The following TENM3 variants were observed in gnomAD, a reference collection of about 807,000 sequenced individuals.
TENM3 encodes the protein teneurin-3.
TENM3 carries 63 observed loss-of-function variants against 255.1 expected under a neutral mutation model. The ratio of observed to expected loss-of-function variants is 0.25; its 90% CI spans 0.20 to 0.30. The LOEUF (loss-of-function observed/expected upper bound fraction) is 0.30, where lower values mean the gene tolerates loss of function less well. Ranked by LOEUF, TENM3 falls within the 10% of genes least tolerant of loss-of-function variation. The pLI is 1.00. For missense variants in TENM3, 2,929 were observed against 3,461.1 expected, an observed-to-expected ratio of 0.85 and a Z score of 3.86; for synonymous variants, 1,306 against 1,322.3, an observed-to-expected ratio of 0.99 and a Z score of 0.27.
In TENM3 at chr4:182,161,795, A is replaced by ATATATGTG. The variant is rs1751290636; in HGVS notation, c.-76+17046_-76+17047insGTGTATAT. 1.3e-4 allele frequency among the ~76,000 whole-genome samples: 6 copies of ATATATGTG among 44,744 alleles called. 2 individuals are homozygous for ATATATGTG. Among genetic ancestry groups the ATATATGTG allele is most frequent in the African/African-American group, 7.2e-4 (6 of 8,338 alleles). The allele number at this position is 44,744 out of a possible 152,430, so 29.4% of individuals were successfully genotyped here. A position where few individuals can be genotyped will look rare whatever the true frequency, so the allele number is the denominator to read the frequency against. ...TATATATATATACACAAATATATGT[A>ATATATGTG]TATATATACACATATATATGTATAT... On this transcript the variant is annotated intron_variant, in intron 1 of 2. Coordinates refer to the TENM3 transcript ENST00000512480.
intron 3 of TENM3, among the ~76,000 whole-genome samples, chr4:182,579,036 G>A (rs765862122): frequency 5.9e-5 from 9 of 152,142 alleles, no homozygotes; most frequent in South Asian, 2.1e-4. Context: ...GCTGTCTCAG[G>A]AATGGAAGTC....
At chr4:182,277,698 C>T (rs928466062) in intron 1 of TENM3, among the ~76,000 whole-genome samples, 7 of 152,200 alleles carry the variant, frequency 4.6e-5, no homozygotes, top group Non-Finnish European at 7.3e-5. Context: ...AGTCCCAGTT[C>T]TCTACCATAT....
chr4:181,980,527 C>A, the TENM3 span: 6 of 152,072 alleles, frequency 3.9e-5, no homozygotes, highest in Admixed American at 2.0e-4. Flanking sequence ...ATACATGTAC[C>A]ACAATCACAA....
chr4:181,880,193 G>A, the TENM3 span, among the ~76,000 whole-genome samples: 1 of 152,078 alleles, frequency 6.6e-6, no homozygotes, highest in Non-Finnish European at 1.5e-5. Context: ...CCTTTCTAAG[G>A]AAGTTAGCAA....
At chr4:182,111,189 C>CT in the TENM3 span, among the ~76,000 whole-genome samples, 30,489 of 80,690 alleles carry the variant, frequency 0.38, 5,672 homozygotes, top group Non-Finnish European at 0.41. Flanking sequence ...GTCTTCTTCT[C>CT]TTTTTTTTTT....
chr4:182,550,684 T>C (rs1741909021), intron 3 of TENM3, among the ~76,000 whole-genome samples: 1 of 152,240 alleles, frequency 6.6e-6, no homozygotes, highest in Admixed American at 6.5e-5. Context: ...CTTCTATCAC[T>C]GTAAATCTGT....
At chr4:182,150,299 C>T (rs1044613904) in intron 1 of TENM3, among the ~76,000 whole-genome samples, 1 of 151,662 alleles carries the variant, frequency 6.6e-6, no homozygotes, top group Admixed American at 6.6e-5. Context: ...TTATAATGAG[C>T]GATGGCCCTT....
intron 4 of TENM3, among the ~76,000 whole-genome samples, chr4:182,605,802 A>T (rs1318940713): frequency 1.3e-5 from 2 of 152,170 alleles, no homozygotes; most frequent in African/African-American, 4.8e-5. Context: ...CTCTGTGGTG[A>T]CCATATAGTT....
intron 3 of TENM3, among the ~76,000 whole-genome samples, chr4:182,405,954 G>A (rs1033153725): frequency 1.3e-5 from 2 of 152,166 alleles, no homozygotes; most frequent in African/African-American, 2.4e-5. Context: ...GCTGGTGTGC[G>A]ACAGTGGCAT....
the TENM3 span, among the ~76,000 whole-genome samples, chr4:182,116,939 A>G: frequency 1.3e-5 from 2 of 152,194 alleles, no homozygotes; most frequent in African/African-American, 4.8e-5. Flanking sequence ...GTTGCTCTAC[A>G]TTCTCACCAG....
At chr4:182,132,033 AT>A in the TENM3 span, among the ~76,000 whole-genome samples, 152,083 of 152,306 alleles carry the variant, frequency 1, 75,931 homozygotes, top group East Asian at 1. Flanking sequence ...TAAAACAGTG[AT>A]TTTTACTTTA....
intron 4 of TENM3, among the ~76,000 whole-genome samples, chr4:182,605,927 A>G (rs963107063): frequency 1.3e-5 from 2 of 152,214 alleles, no homozygotes; most frequent in African/African-American, 2.4e-5. Flanking sequence ...TGATTACCAC[A>G]CTAAGTTTTA....
the TENM3 span, among the ~76,000 whole-genome samples, chr4:181,871,996 C>A: frequency 6.6e-5 from 10 of 152,094 alleles, no homozygotes; most frequent in Non-Finnish European, 1.0e-4. Context: ...TGTCTATATT[C>A]AGGAGAAATA....
intron 3 of TENM3, among the ~76,000 whole-genome samples, chr4:182,369,061 A>ATT (rs567796748): frequency 6.6e-4 from 101 of 152,328 alleles, no homozygotes; most frequent in African/African-American, 2.1e-3. Context: ...ATCCAGAAGC[A>ATT]TTTTGAAAAC....
intron 3 of TENM3, among the ~76,000 whole-genome samples, chr4:182,437,670 C>T (rs368464108): frequency 4.6e-5 from 7 of 152,008 alleles, no homozygotes; most frequent in African/African-American, 1.4e-4. Flanking sequence ...TGGTGGTAGG[C>T]GCTTGTAATC....
intron 3 of TENM3, among the ~76,000 whole-genome samples, chr4:182,540,341 A>G (rs927814709): frequency 5.9e-5 from 9 of 152,104 alleles, no homozygotes; most frequent in Non-Finnish European, 1.2e-4. Flanking sequence ...TGTAATCCCA[A>G]CACTTTGGGA....
the TENM3 span, among the ~76,000 whole-genome samples, chr4:182,112,218 A>T: frequency 6.6e-6 from 1 of 152,034 alleles, no homozygotes; most frequent in African/African-American, 2.4e-5. Flanking sequence ...CTTTTTATTG[A>T]CCTGACCACA....
chr4:182,274,159 T>G (rs957317440), intron 1 of TENM3, among the ~76,000 whole-genome samples: 2 of 152,214 alleles, frequency 1.3e-5, no homozygotes, highest in African/African-American at 4.8e-5. Flanking sequence ...GGTAGTAGCA[T>G]GAGAAGAAAC....
chr4:182,168,930 C>T (rs1286430010), intron 1 of TENM3, among the ~76,000 whole-genome samples: 1 of 151,752 alleles, frequency 6.6e-6, no homozygotes, highest in Non-Finnish European at 1.5e-5. Flanking sequence ...ATTGTATTTG[C>T]CCAATTTTTT....
Sources: allele counts gnomAD v4.1 joint callset (sites outside exome capture counted in the v4.1 genomes callset), GRCh38; gene constraint gnomAD v4.1.1; transcripts MANE v1.5; gene names NCBI Gene and HGNC (gene_info 2026-07-23, HGNC 2026-07-21).